Variants in MTREX observed in about 807,000 individuals in gnomAD.
MTREX encodes the protein Mtr4 exosome RNA helicase.
Under a neutral mutation model 135.4 loss-of-function variants are expected in MTREX, and 76 were observed. That is an observed-to-expected ratio of 0.56 (90% CI 0.47 to 0.68). MTREX has a LOEUF of 0.68. Ranked by LOEUF, MTREX falls within the 30% of genes least tolerant of loss-of-function variation. The pLI is 0.00. For missense variants in MTREX, 920 were observed against 1,262.1 expected, an observed-to-expected ratio of 0.73 and a Z score of 4.11; for synonymous variants, 404 against 401.6, an observed-to-expected ratio of 1.01 and a Z score of -0.07.
At chr5:55,315,330 A>C (rs62359226) in intron 1 of MTREX, among the ~76,000 whole-genome samples, 11,525 of 152,182 alleles carry the variant, frequency 0.076, 662 homozygotes, top group East Asian at 0.26. Context: ...CATTCAGAAA[A>C]ATTTTAATAA....
chr5:55,415,569 G>A (rs994867867), intron 24 of MTREX, among the ~76,000 whole-genome samples: 1 of 152,126 alleles, frequency 6.6e-6, no homozygotes, highest in African/African-American at 2.4e-5. Flanking sequence ...ATGAAGATAT[G>A]TACATTTTTA....
At chr5:55,369,915 C>CTTTTTTTT (rs60011222) in intron 16 of MTREX, among the ~76,000 whole-genome samples, 2 of 141,422 alleles carry the variant, frequency 1.4e-5, no homozygotes, top group African/African-American at 2.6e-5. Flanking sequence ...TTTCTTTTTT[C>CTTTTTTTT]TTTTTTTTTT....
At chr5:55,407,594 T>C (rs1472968516) in intron 22 of MTREX, among the ~76,000 whole-genome samples, 1 of 152,204 alleles carries the variant, frequency 6.6e-6, no homozygotes, top group African/African-American at 2.4e-5. Context: ...TGGGGCATCA[T>C]CCTAGACTCC....
chr5:55,425,219 T>C lies in MTREX; in HGVS notation c.*447T>C. On this transcript the variant is annotated 3_prime_UTR_variant, in exon 27 of 27. Coordinates refer to ENST00000230640, the MANE Select transcript of MTREX (RefSeq NM_015360.5). ...CCCTGCTGCCTTTCAAGGCTGGTGA[T>C]TGCTCGGATAGTGATTCCCAGTTGT... 1 of 1,613,534 alleles carries C rather than the reference T, an allele frequency of 6.2e-7. No homozygotes were observed. The highest frequency in any genetic ancestry group is 8.5e-7 in the Non-Finnish European group (1 of 1,179,850).
intron 14 of MTREX, chr5:55,357,113 C>T: frequency 6.4e-6 from 1 of 155,884 alleles, no homozygotes; most frequent in Non-Finnish European, 1.4e-5. Context: ...ACAATGTTGG[C>T]ATGACGCACC....
intron 21 of MTREX, among the ~76,000 whole-genome samples, chr5:55,400,974 T>C (rs1000883677): frequency 4.6e-5 from 7 of 152,204 alleles, no homozygotes; most frequent in Admixed American, 1.3e-4. Context: ...ATGCCTGTCA[T>C]AGCATAAATC....
At chr5:55,411,972 T>G (rs896464730) in intron 23 of MTREX, among the ~76,000 whole-genome samples, 1 of 152,210 alleles carries the variant, frequency 6.6e-6, no homozygotes, top group Non-Finnish European at 1.5e-5. Flanking sequence ...TTGGCACTAT[T>G]ACAATAGTTC....
chr5:55,327,477 T>G, intron 3 of MTREX: 1 of 416,012 alleles, frequency 2.4e-6, no homozygotes, highest in Non-Finnish European at 4.4e-6. Flanking sequence ...GAGATAAACA[T>G]CAGCTTTCAA....
intron 20 of MTREX, among the ~76,000 whole-genome samples, chr5:55,399,627 A>G (rs1030255423): frequency 2.0e-5 from 3 of 151,990 alleles, no homozygotes; most frequent in African/African-American, 7.2e-5. Context: ...AGCTGGGACT[A>G]CAGGCGCCCA....
chr5:55,408,285 T>G (rs187546128), intron 22 of MTREX, among the ~76,000 whole-genome samples: 1 of 152,336 alleles, frequency 6.6e-6, no homozygotes, highest in African/African-American at 2.4e-5. Context: ...CTGAACTTCT[T>G]CAATCTGGTT....
intron 19 of MTREX, among the ~76,000 whole-genome samples, chr5:55,391,771 C>T (rs1750571072): frequency 6.6e-6 from 1 of 152,182 alleles, no homozygotes; most frequent in Non-Finnish European, 1.5e-5. Context: ...CCACCTATAA[C>T]CTGTGGGCCC....
intron 19 of MTREX, among the ~76,000 whole-genome samples, chr5:55,394,403 A>G (rs895717404): frequency 6.6e-6 from 1 of 152,240 alleles, no homozygotes; most frequent in East Asian, 1.9e-4. Context: ...AGCAGTCCCC[A>G]GTCTTTTTGG....
intron 5 of MTREX, among the ~76,000 whole-genome samples, chr5:55,335,269 G>T (rs199968907): frequency 5.9e-4 from 89 of 152,012 alleles, no homozygotes; most frequent in African/African-American, 2.0e-3. Context: ...TCTGTGGCTT[G>T]TCTCAATTTC....
intron 1 of MTREX, among the ~76,000 whole-genome samples, chr5:55,308,824 A>C (rs563446449): frequency 6.6e-6 from 1 of 152,366 alleles, no homozygotes; most frequent in African/African-American, 2.4e-5. Context: ...AGGAAAAGCT[A>C]TTACTTGTAT....
At chr5:55,395,132 G>A (rs944617086) in intron 19 of MTREX, among the ~76,000 whole-genome samples, 4 of 152,074 alleles carry the variant, frequency 2.6e-5, no homozygotes, top group African/African-American at 4.8e-5. Flanking sequence ...ATGGCTGGCC[G>A]TGGTGGCTCA....
chr5:55,322,344 A>C lies in MTREX; in HGVS notation c.152A>C (p.Lys51Thr), dbSNP rs910391575. 1.2e-6 allele frequency: 2 copies of C among 1,602,154 alleles called. No homozygotes were observed. Among genetic ancestry groups the C allele is most frequent in the Non-Finnish European group, 1.7e-6 (2 of 1,176,146 alleles). ...ADKAGKRFDG[K>T]LQSESTNNGK... Reference sequence around the variant, plus strand: ...CTTTTCAGGAAACGTTTTGATGGTAAATTACAATCAGAATCAACTAATAAT... The same window carrying C: ...CTTTTCAGGAAACGTTTTGATGGTACATTACAATCAGAATCAACTAATAAT... Residue 51 changes from lysine (K) to threonine (T), a missense_variant, in exon 2 of 27, where the codon AAA (lysine) becomes ACA (threonine). Lys to Thr is a moderately conservative substitution (Grantham distance 78, BLOSUM62 -1). Coordinates refer to ENST00000230640, the MANE Select transcript of MTREX (RefSeq NM_015360.5).
intron 14 of MTREX, among the ~76,000 whole-genome samples, chr5:55,355,560 A>G (rs1749897964): frequency 6.6e-6 from 1 of 152,222 alleles, no homozygotes. Flanking sequence ...TCTCATAGTC[A>G]GAGATAGGCT....
intron 14 of MTREX, among the ~76,000 whole-genome samples, chr5:55,354,987 T>C (rs1318074687): frequency 6.6e-6 from 1 of 152,018 alleles, no homozygotes; most frequent in East Asian, 1.9e-4. Flanking sequence ...AGGCACAGGG[T>C]GGATTGGGCG....
At chr5:55,384,818 A>G (rs560777318) in intron 18 of MTREX, among the ~76,000 whole-genome samples, 13 of 152,110 alleles carry the variant, frequency 8.5e-5, no homozygotes, top group South Asian at 4.1e-4. Context: ...TGAGATGACA[A>G]TGGTTTGGAC....
Sources: gnomAD v4.1 joint callset for allele counts (sites outside exome capture counted in the v4.1 genomes callset) on GRCh38, gnomAD v4.1.1 for gene constraint, MANE v1.5 for transcripts, NCBI Gene and HGNC (gene_info 2026-07-23, HGNC 2026-07-21) for gene names.